MED13L: variants seen among roughly 807,000 people sequenced by gnomAD.
The protein encoded by MED13L is mediator of RNA polymerase II transcription subunit 13-like.
In MED13L, 7 loss-of-function variants were observed where a neutral mutation model predicts 220.9. The ratio of observed to expected loss-of-function variants is 0.03; its 90% CI spans 0.02 to 0.06. The LOEUF is 0.06. MED13L is among the 10% of genes least tolerant of loss of function. The pLI is 1.00. For synonymous variants in MED13L, 1,011 were observed against 1,015.2 expected (o/e 1.00, Z 0.08); for missense variants, 1,965 against 2,760.5 (o/e 0.71, Z 6.46).
In MED13L at chr12:116,086,403, C is replaced by A. The variant is rs141496999; in HGVS notation, c.479+10266G>T. ...GGTTCAAGCGATTCTCCTGCCTCAG[C>A]TCCTGACTAGCTGGGATTACAGACT... is the stretch of plus-strand genomic sequence containing the variant. On this transcript the variant is annotated intron_variant, in intron 4 of 30. Transcript: ENST00000281928. 2.9e-3 allele frequency among the ~76,000 whole-genome samples: 436 copies of A among 151,738 alleles called. 1 individual carries two copies. The highest frequency in any genetic ancestry group is 9.6e-3 in the African/African-American group (398 of 41,360).
At chr12:116,013,995 C>A (rs1879576751) in intron 8 of MED13L, among the ~76,000 whole-genome samples, 4 of 152,196 alleles carry the variant, frequency 2.6e-5, no homozygotes, top group African/African-American at 9.7e-5. Context: ...ATAATCTAGG[C>A]ATTGCAGATG....
At position 115,960,846 on chromosome 12, in the gene MED13L, A is replaced by G. The variant is rs78649793; in HGVS notation, c.*420T>C. The G allele has an allele frequency of 1.5e-3, 382 of 254,882 alleles. 4 individuals are homozygous for G. The highest frequency in any genetic ancestry group is 7.8e-3 in the African/African-American group (359 of 45,802). The allele number at this position is 254,882 out of a possible 1,614,324, so 15.8% of individuals were successfully genotyped here. ...AGATTATGGAGTTCAGGTAACCCAC[A>G]GGCCATACACCAGTAACTAAGAGGA... On this transcript the variant is annotated 3_prime_UTR_variant, in exon 31 of 31. Transcript: ENST00000281928.
intron 1 of MED13L, among the ~76,000 whole-genome samples, chr12:116,255,368 T>C (rs767577018): frequency 1.3e-5 from 2 of 152,210 alleles, no homozygotes; most frequent in African/African-American, 2.4e-5. Context: ...ACCATGTAAA[T>C]TAACTTAAAA....
At chr12:116,034,009 T>A (rs1881017520) in intron 4 of MED13L, among the ~76,000 whole-genome samples, 1 of 152,102 alleles carries the variant, frequency 6.6e-6, no homozygotes, top group Admixed American at 6.5e-5. Flanking sequence ...CCACTCTGGT[T>A]CATATCTCTA....
chr12:116,267,150 C>T (rs985464096), intron 1 of MED13L, among the ~76,000 whole-genome samples: 1 of 152,150 alleles, frequency 6.6e-6, no homozygotes, highest in Non-Finnish European at 1.5e-5. Flanking sequence ...AAATAAGAGC[C>T]ACGGTTCAAT....
chr12:116,215,435 A>T (rs186145470), intron 2 of MED13L, among the ~76,000 whole-genome samples: 1 of 152,312 alleles, frequency 6.6e-6, no homozygotes, highest in Admixed American at 6.5e-5. Flanking sequence ...AGCATCAAAC[A>T]TCCTCTTAAC....
At chr12:116,010,180 T>C (rs1286006329) in intron 9 of MED13L, among the ~76,000 whole-genome samples, 2 of 152,126 alleles carry the variant, frequency 1.3e-5, no homozygotes, top group South Asian at 2.1e-4. Context: ...GGTTTGGTAA[T>C]CCTGCAGCAG....
intron 4 of MED13L, among the ~76,000 whole-genome samples, chr12:116,032,120 T>C (rs1880888872): frequency 6.6e-6 from 1 of 152,142 alleles, no homozygotes; most frequent in Admixed American, 6.5e-5. Context: ...TTGAAGAATA[T>C]AAAAGAATAT....
chr12:116,037,372 C>T (rs1051941650), intron 4 of MED13L, among the ~76,000 whole-genome samples: 1 of 152,128 alleles, frequency 6.6e-6, no homozygotes, highest in Non-Finnish European at 1.5e-5. Flanking sequence ...TATAAAATAA[C>T]CTTCAGGCTG....
intron 4 of MED13L, among the ~76,000 whole-genome samples, chr12:116,088,825 C>A (rs1871946319): frequency 6.6e-6 from 1 of 151,220 alleles, no homozygotes; most frequent in East Asian, 1.9e-4. Context: ...AAGAAAAGGC[C>A]AAATCAACAA....
At chr12:116,006,806 C>T (rs61936946) in intron 11 of MED13L, 14,667 of 207,444 alleles carry the variant, frequency 0.071, 654 homozygotes, top group Middle Eastern at 0.1. Context: ...CTAACTATAC[C>T]GGCCTCTTAT....
chr12:116,012,439 A>C (rs988413576), intron 9 of MED13L, among the ~76,000 whole-genome samples: 29 of 152,178 alleles, frequency 1.9e-4, no homozygotes, highest in African/African-American at 7.0e-4. Context: ...CTTTAATCCA[A>C]ATTCTATTGA....
intron 4 of MED13L, among the ~76,000 whole-genome samples, chr12:116,061,877 G>A (rs1018525705): frequency 6.6e-5 from 10 of 151,468 alleles, no homozygotes; most frequent in Non-Finnish European, 2.9e-5. Context: ...GCATGGTGGC[G>A]GGCACCTGTA....
chr12:116,062,293 T>C (rs1473963033), intron 4 of MED13L, among the ~76,000 whole-genome samples: 3 of 151,540 alleles, frequency 2.0e-5, no homozygotes, highest in East Asian at 2.0e-4. Flanking sequence ...GCTGGGACCA[T>C]AGGCATGAAT....
intron 16 of MED13L, among the ~76,000 whole-genome samples, chr12:115,992,181 A>G (rs1409546740): frequency 6.6e-6 from 1 of 152,204 alleles, no homozygotes; most frequent in African/African-American, 2.4e-5. Flanking sequence ...ATAATTCAAC[A>G]CAGCACTTTC....
intron 4 of MED13L, among the ~76,000 whole-genome samples, chr12:116,068,386 G>A (rs1350058018): frequency 5.3e-5 from 8 of 152,190 alleles, no homozygotes; most frequent in Non-Finnish European, 1.0e-4. Flanking sequence ...AATATGATCT[G>A]TAGAGCTATA....
chr12:116,039,340 A>G (rs1342680446), intron 4 of MED13L, among the ~76,000 whole-genome samples: 2 of 152,214 alleles, frequency 1.3e-5, no homozygotes, highest in Non-Finnish European at 2.9e-5. Flanking sequence ...CTAGTACTCA[A>G]AGAAGGCCCC....
chr12:116,173,106 A>G (rs76604902), intron 2 of MED13L, among the ~76,000 whole-genome samples: 2 of 138,644 alleles, frequency 1.4e-5, no homozygotes, highest in South Asian at 2.2e-4. Flanking sequence ...ACAACTCAGG[A>G]AAAAAAAAAA....
intron 4 of MED13L, among the ~76,000 whole-genome samples, chr12:116,048,541 A>G (rs568775119): frequency 6.6e-6 from 1 of 152,316 alleles, no homozygotes; most frequent in African/African-American, 2.4e-5. Context: ...ACCAAAGAAT[A>G]CATTTTACAA....
Sources: gnomAD v4.1 joint callset for allele counts (sites outside exome capture counted in the v4.1 genomes callset) on GRCh38, gnomAD v4.1.1 for gene constraint, MANE v1.5 for transcripts, NCBI Gene and HGNC (gene_info 2026-07-23, HGNC 2026-07-21) for gene names.